The following PDZRN4 variants were observed in gnomAD, a reference collection of about 807,000 sequenced individuals.
PDZRN4 encodes the protein PDZ domain containing ring finger 4.
PDZRN4 carries 70 observed loss-of-function variants against 99.0 expected under a neutral mutation model. The ratio of observed to expected loss-of-function variants is 0.71; its 90% CI spans 0.58 to 0.86. The LOEUF is 0.86. Among genes scored for constraint, PDZRN4 ranks in the 40% least tolerant of loss-of-function variants. The pLI is 0.00. For missense variants in PDZRN4, 1,474 were observed against 1,331.2 expected (o/e 1.11, Z -1.67); for synonymous variants, 551 against 501.6 (o/e 1.10, Z -1.32).
In PDZRN4 at chr12:41,188,398, G is replaced by A. The variant is rs1950707447; in HGVS notation, c.-58G>A. On this transcript the variant is annotated 5_prime_UTR_variant, in exon 1 of 10. Transcript: ENST00000402685. ...CCCCGGGGGTGGCCCGGGGAAGGCA[G>A]GGGGGCTCGGAGAAGACGGACTCTG... is the stretch of plus-strand genomic sequence containing the variant. The A allele has an allele frequency of 3.5e-6, 5 of 1,438,982 alleles. No individual in the cohort carries two copies. The highest frequency in any genetic ancestry group is 4.6e-6 in the Non-Finnish European group (5 of 1,092,402). The allele number at this position is 1,438,982 out of a possible 1,614,324, so 89.1% of individuals were successfully genotyped here. A position where few individuals can be genotyped will look rare whatever the true frequency, so the allele number is the denominator to read the frequency against.
At chr12:41,423,780 CA>C (rs1385276678) in intron 3 of PDZRN4, among the ~76,000 whole-genome samples, 1 of 152,112 alleles carries the variant, frequency 6.6e-6, no homozygotes, top group Non-Finnish European at 1.5e-5. Context: ...CTTTCCAAAT[CA>C]TTCAGAAAGT....
chr12:41,343,627 T>C (rs1565557297), intron 3 of PDZRN4, among the ~76,000 whole-genome samples: 2 of 151,696 alleles, frequency 1.3e-5, no homozygotes, highest in Non-Finnish European at 2.9e-5. Flanking sequence ...TACGGTACAA[T>C]GTTGCAATTA....
At chr12:41,354,712 T>C (rs1592025247) in intron 3 of PDZRN4, among the ~76,000 whole-genome samples, 2 of 152,008 alleles carry the variant, frequency 1.3e-5, no homozygotes, top group African/African-American at 4.8e-5. Flanking sequence ...TAGATAAAAT[T>C]ATTCCTTTAT....
At chr12:41,397,378 G>T (rs2121133264) in intron 3 of PDZRN4, among the ~76,000 whole-genome samples, 1 of 152,196 alleles carries the variant, frequency 6.6e-6, no homozygotes, top group East Asian at 1.9e-4. Flanking sequence ...TTTGCCCTGT[G>T]CTTGTAAATG....
intron 3 of PDZRN4, among the ~76,000 whole-genome samples, chr12:41,325,334 G>A (rs1297464775): frequency 6.6e-6 from 1 of 152,134 alleles, no homozygotes; most frequent in African/African-American, 2.4e-5. Context: ...GGCATAATTT[G>A]CAGATTATAC....
intron 3 of PDZRN4, among the ~76,000 whole-genome samples, chr12:41,314,022 C>A (rs183724348): frequency 6.6e-6 from 1 of 152,134 alleles, no homozygotes; most frequent in African/African-American, 2.4e-5. Flanking sequence ...AAAACAGATA[C>A]TTTGAGACCA....
At chr12:41,528,813 T>A (rs1000112247) in intron 5 of PDZRN4, among the ~76,000 whole-genome samples, 5 of 152,216 alleles carry the variant, frequency 3.3e-5, no homozygotes, top group Admixed American at 6.5e-5. Context: ...TTTCAAAAAG[T>A]GTTATAACCC....
Position 41,188,496 on chromosome 12 carries a change from C to T in PDZRN4, c.41C>T (p.Pro14Leu), listed in dbSNP as rs771972251. Residue 14 changes from proline (P) to leucine (L), a missense_variant, in exon 1 of 10, where the codon CCG becomes CTG. Coordinates refer to ENST00000402685, the MANE Select transcript of PDZRN4 (RefSeq NM_001164595.2). ...GAGCGCTTCGCAGAAGCCGTGGACC[C>T]GGCTCTGGAGTGCAAACTGTGCGGC... ...ALERFAEAVDPALECKLCGQV... is the reference protein window; with the variant it reads ...ALERFAEAVDLALECKLCGQV... 1.9e-6 allele frequency: 3 copies of T among 1,590,722 alleles called. No homozygotes were observed. Among genetic ancestry groups the T allele is most frequent in the Non-Finnish European group, 2.6e-6 (3 of 1,176,344 alleles).
intron 3 of PDZRN4, among the ~76,000 whole-genome samples, chr12:41,356,056 C>G (rs966661909): frequency 6.6e-6 from 1 of 151,976 alleles, no homozygotes; most frequent in African/African-American, 2.4e-5. Flanking sequence ...AAAAAATTTA[C>G]TCTCTTTGAA....
At position 41,423,439 on chromosome 12, in the gene PDZRN4, T is replaced by TC. The variant is rs1280940127; in HGVS notation, c.844-83015dup. On this transcript the variant is annotated intron_variant, in intron 3 of 9. Coordinates refer to ENST00000402685, the MANE Select transcript of PDZRN4 (RefSeq NM_001164595.2). ...CATTCGTTTTCTGAGAATGATGGTT[T>TC]CCAGCTCCATCCATGTCTCCGCAAA... Among the ~76,000 whole-genome samples, 4 of 152,144 alleles carry TC rather than the reference T, an allele frequency of 2.6e-5. No homozygotes were observed. In the East Asian group the frequency reaches 7.7e-4, roughly 29 times the overall value.
intron 3 of PDZRN4, among the ~76,000 whole-genome samples, chr12:41,381,895 C>T (rs1952129895): frequency 6.6e-6 from 1 of 152,174 alleles, no homozygotes; most frequent in Admixed American, 6.5e-5. Flanking sequence ...TCAGTTCAAC[C>T]TGTGCTTCTG....
At chr12:41,531,130 T>G (rs1303677253) in intron 5 of PDZRN4, among the ~76,000 whole-genome samples, 1 of 152,200 alleles carries the variant, frequency 6.6e-6, no homozygotes, top group Non-Finnish European at 1.5e-5. Flanking sequence ...GAGGGCTTTC[T>G]GTATCCCGGG....
chr12:41,433,429 G>C (rs1313338132), intron 3 of PDZRN4, among the ~76,000 whole-genome samples: 4 of 152,146 alleles, frequency 2.6e-5, no homozygotes, highest in Non-Finnish European at 5.9e-5. Context: ...TGATTACATA[G>C]AAGGTATTTA....
At chr12:41,363,553 G>C (rs924060140) in intron 3 of PDZRN4, among the ~76,000 whole-genome samples, 8 of 152,022 alleles carry the variant, frequency 5.3e-5, no homozygotes, top group African/African-American at 1.7e-4. Flanking sequence ...AGATGCATCT[G>C]TTCAGGATGC....
At chr12:41,547,301 T>C (rs939455018) in intron 5 of PDZRN4, among the ~76,000 whole-genome samples, 5 of 152,200 alleles carry the variant, frequency 3.3e-5, no homozygotes, top group Non-Finnish European at 7.4e-5. Context: ...CCTGGTTCCC[T>C]AGTTGTCACA....
intron 3 of PDZRN4, among the ~76,000 whole-genome samples, chr12:41,494,788 C>G (rs939924746): frequency 6.6e-6 from 1 of 152,066 alleles, no homozygotes; most frequent in African/African-American, 2.4e-5. Flanking sequence ...TTCATGTCAT[C>G]GACTGAACTC....
chr12:41,188,551 G>C lies in PDZRN4; in HGVS notation c.96G>C (p.Pro32=). The change falls in exon 1 of 10, where the codon CCG becomes CCC. Residue 32 remains proline, a synonymous_variant. Transcript: ENST00000402685. ...GQVLEEPLCT[P]CGHVFCASCL... Reference sequence around the variant, plus strand: ...TGCTTGAAGAGCCCCTGTGCACGCCGTGCGGGCACGTCTTCTGCGCCAGCT... The same window carrying C: ...TGCTTGAAGAGCCCCTGTGCACGCCCTGCGGGCACGTCTTCTGCGCCAGCT... 1 of 1,560,370 alleles carries C rather than the reference G, an allele frequency of 6.4e-7. No individual in the cohort carries two copies. The highest frequency in any genetic ancestry group is 8.6e-7 in the Non-Finnish European group (1 of 1,160,756).
At chr12:41,439,468 A>G (rs1419032922) in intron 3 of PDZRN4, among the ~76,000 whole-genome samples, 3 of 152,180 alleles carry the variant, frequency 2.0e-5, no homozygotes, top group African/African-American at 4.8e-5. Context: ...CTAAATTTAT[A>G]TAAAAGTATA....
intron 3 of PDZRN4, among the ~76,000 whole-genome samples, chr12:41,368,450 G>C (rs1952017854): frequency 6.6e-6 from 1 of 152,046 alleles, no homozygotes; most frequent in South Asian, 2.1e-4. Flanking sequence ...TCATATAGCT[G>C]TTCCTCATTG....
Sources: gnomAD v4.1 joint callset for allele counts (sites outside exome capture counted in the v4.1 genomes callset) on GRCh38, gnomAD v4.1.1 for gene constraint, MANE v1.5 for transcripts, NCBI Gene and HGNC (gene_info 2026-07-23, HGNC 2026-07-21) for gene names.